GDAP2: variants seen among roughly 807,000 people sequenced by gnomAD.
GDAP2 encodes ganglioside induced differentiation associated protein 2.
Under a neutral mutation model 67.0 loss-of-function variants are expected in GDAP2, and 51 were observed. The observed-to-expected ratio is 0.76, with a 90% CI of 0.61 to 0.96. The LOEUF (loss-of-function observed/expected upper bound fraction) is 0.96, where lower values mean the gene tolerates loss of function less well. Ranked by LOEUF, GDAP2 falls within the 40% of genes least tolerant of loss-of-function variation. The pLI is 0.00. For missense variants in GDAP2, 547 were observed against 588.3 expected, an observed-to-expected ratio of 0.93 and a Z score of 0.73; for synonymous variants, 203 against 207.3, an observed-to-expected ratio of 0.98 and a Z score of 0.18.
At chr1:117,882,470 C>T (rs976228515) in intron 11 of GDAP2, among the ~76,000 whole-genome samples, 1 of 152,104 alleles carries the variant, frequency 6.6e-6, no homozygotes, top group Non-Finnish European at 1.5e-5. Flanking sequence ...CAGGCAATAC[C>T]ACTCCAGATT....
At chr1:117,882,141 T>G (rs1648671403) in intron 11 of GDAP2, among the ~76,000 whole-genome samples, 1 of 152,106 alleles carries the variant, frequency 6.6e-6, no homozygotes, top group Admixed American at 6.6e-5. Context: ...AAATTTGTAT[T>G]TAAGAAACAA....
intron 2 of GDAP2, 61 bp from the exon 3 acceptor site, chr1:117,918,797 TAA>T: frequency 7.6e-7 from 1 of 1,319,836 alleles, no homozygotes; most frequent in Non-Finnish European, 1.1e-6. Context: ...ACCTAGTTTC[TAA>T]TTATTTCAAA....
At chr1:117,877,187 A>T (rs938041454) in intron 13 of GDAP2, 1 of 623,932 alleles carries the variant, frequency 1.6e-6, no homozygotes, top group Non-Finnish European at 2.0e-6. Flanking sequence ...GGGGAAAAAA[A>T]TTATAGCTAA....
At chr1:117,883,015 A>G (rs1455356219) in intron 11 of GDAP2, 8 of 152,366 alleles carry the variant, frequency 5.3e-5, no homozygotes, top group Admixed American at 5.2e-4. Flanking sequence ...AATATGCTTT[A>G]ATGAAAATAA....
rs1357074845 is a variant in GDAP2, at chr1:117,869,056, G to C, written c.*1513C>G. 3.3e-5 allele frequency: 5 copies of C among 152,062 alleles called. No individual in the cohort carries two copies. Among genetic ancestry groups the C allele is most frequent in the Admixed American group, 3.3e-4 (5 of 15,250 alleles). 9.4% of individuals were successfully genotyped at this position (152,062 alleles called of 1,614,324 possible). A position where few individuals can be genotyped will look rare whatever the true frequency, so the allele number is the denominator to read the frequency against. ...TTGATCTCCAATGAAGAATTAGTTT[G>C]GGCAGAAAAGAATGGGACCCTTGGA... On this transcript the variant is annotated 3_prime_UTR_variant, in exon 14 of 14. Coordinates refer to ENST00000369443, the MANE Select transcript of GDAP2 (RefSeq NM_017686.4).
At chr1:117,874,690 A>G (rs1208487196) in intron 13 of GDAP2, among the ~76,000 whole-genome samples, 1 of 152,240 alleles carries the variant, frequency 6.6e-6, no homozygotes, top group African/African-American at 2.4e-5. Flanking sequence ...AGAAGACAAC[A>G]GAAAGACTTA....
chr1:117,922,290 T>C (rs979250321), intron 1 of GDAP2, among the ~76,000 whole-genome samples: 1 of 152,010 alleles, frequency 6.6e-6, no homozygotes, highest in Non-Finnish European at 1.5e-5. Context: ...CAACAAAACT[T>C]AGAGGCTGGA....
chr1:117,880,176 C>A (rs923697200), intron 12 of GDAP2, among the ~76,000 whole-genome samples: 2 of 151,972 alleles, frequency 1.3e-5, no homozygotes, highest in African/African-American at 4.8e-5. Context: ...CAGACTGAGA[C>A]CCTGTCTCTA....
chr1:117,909,297 G>C (rs1649769674), intron 5 of GDAP2, among the ~76,000 whole-genome samples: 1 of 151,886 alleles, frequency 6.6e-6, no homozygotes, highest in Admixed American at 6.6e-5. Context: ...TTAAATTTTT[G>C]TTGGATGAAT....
chr1:117,927,078 C>G (rs1017979221), intron 1 of GDAP2, among the ~76,000 whole-genome samples: 10 of 151,638 alleles, frequency 6.6e-5, no homozygotes, highest in African/African-American at 2.4e-4. Context: ...ACAGAAGATT[C>G]CATAATGAAT....
intron 1 of GDAP2, among the ~76,000 whole-genome samples, chr1:117,923,666 C>T (rs895185791): frequency 2.0e-5 from 3 of 152,144 alleles, no homozygotes; most frequent in Admixed American, 6.5e-5. Flanking sequence ...AAGGGAACAC[C>T]CCTAGAACCA....
intron 6 of GDAP2, among the ~76,000 whole-genome samples, chr1:117,904,034 C>T (rs1349070011): frequency 6.6e-6 from 1 of 151,028 alleles, no homozygotes; most frequent in Non-Finnish European, 1.5e-5. Flanking sequence ...GTCACCCCGA[C>T]TAAAGTCAGT....
intron 13 of GDAP2, among the ~76,000 whole-genome samples, chr1:117,875,659 G>A (rs146630819): frequency 0.013 from 2,037 of 152,300 alleles, 36 homozygotes; most frequent in South Asian, 0.094. Flanking sequence ...GGGGGTGGGG[G>A]TGCCCAAGGC....
At chr1:117,919,370 CA>C (rs533363950) in intron 2 of GDAP2, among the ~76,000 whole-genome samples, 298 of 94,358 alleles carry the variant, frequency 3.2e-3, no homozygotes, top group Middle Eastern at 0.021. Context: ...CAAGACTCCT[CA>C]AAAAAAAAAA....
At chr1:117,872,660 GAGGGGAACACTTAC>G (rs1467595453) in intron 13 of GDAP2, among the ~76,000 whole-genome samples, 2 of 149,852 alleles carry the variant, frequency 1.3e-5, no homozygotes, top group Non-Finnish European at 3.0e-5. Context: ...TGGACACAGG[GAGGGGAACACTTAC>G]TGGGGCCTGT....
At chr1:117,876,504 C>G (rs1315534972) in intron 13 of GDAP2, among the ~76,000 whole-genome samples, 3 of 152,164 alleles carry the variant, frequency 2.0e-5, no homozygotes, top group Non-Finnish European at 4.4e-5. Flanking sequence ...TCTTTTGTTT[C>G]TTCCCCATTT....
intron 1 of GDAP2, among the ~76,000 whole-genome samples, chr1:117,927,154 A>T (rs1650478338): frequency 6.6e-6 from 1 of 152,176 alleles, no homozygotes; most frequent in African/African-American, 2.4e-5. Flanking sequence ...GACAAAGATA[A>T]CCCACTATGT....
rs369010068 is a variant in GDAP2 at position 117,877,180 on chromosome 1, GA to G, written c.1446+828del. ...ATACACTTTACTCTGCACATAAGGG[GA>G]AAAAAATTATAGCTAAAGTTAGAGA... On this transcript the variant is annotated intron_variant, in intron 13 of 13. Coordinates refer to ENST00000369443, the MANE Select transcript of GDAP2 (RefSeq NM_017686.4). 108 of 546,892 alleles carry G rather than the reference GA, an allele frequency of 2.0e-4. No individual in the cohort carries two copies. In the East Asian group the frequency reaches 5.7e-3, roughly 29 times the overall value. 33.9% of individuals were successfully genotyped at this position (546,892 alleles called of 1,614,324 possible).
intron 13 of GDAP2, among the ~76,000 whole-genome samples, chr1:117,870,970 C>A (rs1262430678): frequency 6.6e-6 from 1 of 152,166 alleles, no homozygotes; most frequent in Non-Finnish European, 1.5e-5. Flanking sequence ...ACACAGATTG[C>A]ATAATTTGCC....
Sources: allele counts gnomAD v4.1 joint callset (sites outside exome capture counted in the v4.1 genomes callset), GRCh38; gene constraint gnomAD v4.1.1; transcripts MANE v1.5; gene names NCBI Gene and HGNC (gene_info 2026-07-23, HGNC 2026-07-21).